The following SMARCD3 variants were observed in gnomAD, a reference collection of about 807,000 sequenced individuals.
SMARCD3 encodes SWI/SNF related BAF chromatin remodeling complex subunit D3, also known as SWI/SNF-related matrix-associated actin-dependent regulator of chromatin subfamily D member 3.
In SMARCD3, 14 loss-of-function variants were observed where a neutral mutation model predicts 58.0. That is an observed-to-expected ratio of 0.24 (90% CI 0.16 to 0.38). The LOEUF (loss-of-function observed/expected upper bound fraction) is 0.38, where lower values mean the gene tolerates loss of function less well. Among genes scored for constraint, SMARCD3 ranks in the 10% least tolerant of loss-of-function variants. The pLI, the probability that SMARCD3 is intolerant of heterozygous loss-of-function variation, is 1.00. For missense variants in SMARCD3, 408 were observed against 636.9 expected (o/e 0.64, Z 3.87); for synonymous variants, 253 against 253.8 (o/e 1.00, Z 0.03).
chr7:151,248,386 G>A lies in SMARCD3; in HGVS notation c.78+99C>T, dbSNP rs570418758. On this transcript the variant is annotated intron_variant, in intron 1 of 12. Coordinates refer to ENST00000262188, the MANE Select transcript of SMARCD3 (RefSeq NM_001003801.2). The surrounding 1 kb of genome is among the most constrained non-coding windows in gnomAD (Gnocchi z 6.1). ...GGCCATGACGCCCCCCACTAGAGGG[G>A]TGGGAGAGCGGGAGCGCCCTCCCGG... is the stretch of plus-strand genomic sequence containing the variant. 1,952 of 1,046,566 alleles carry A rather than the reference G, an allele frequency of 1.9e-3. 6 individuals carry two copies. The highest frequency in any genetic ancestry group is 0.015 in the African/African-American group (976 of 63,768). 64.8% of individuals were successfully genotyped at this position (1,046,566 alleles called of 1,614,324 possible).
At chr7:151,259,521 A>T (rs977793891) in intron 2 of SMARCD3, among the ~76,000 whole-genome samples, 10 of 147,506 alleles carry the variant, frequency 6.8e-5, no homozygotes, top group African/African-American at 2.5e-4. Context: ...TGATGGGTGG[A>T]GGTGAAGAGA....
chr7:151,264,500 G>A (rs1369258563), intron 2 of SMARCD3, among the ~76,000 whole-genome samples: 1 of 152,176 alleles, frequency 6.6e-6, no homozygotes, highest in Admixed American at 6.5e-5. Context: ...CCCAGGGTGA[G>A]TGCTGTGAAG....
In SMARCD3 at chr7:151,259,611, T is replaced by TGTTTG. The variant is rs766224003; in HGVS notation, c.40-13941_40-13940insCAAAC. ...GGTTACAACCTGAGAGTTTTTTTTTTTTTTTTTTTTTTTTTGAGACGGACT... is the reference window on the plus strand; with the variant it reads ...GGTTACAACCTGAGAGTTTTTTTTTTGTTTGTTTTTTTTTTTTTTTGAGACGGACT... On this transcript the variant is annotated intron_variant, in intron 2 of 13. Transcript: ENST00000356800. Among the ~76,000 whole-genome samples, 550 of 105,684 alleles carry TGTTTG rather than the reference T, an allele frequency of 5.2e-3. 10 individuals are homozygous for TGTTTG. Among genetic ancestry groups the TGTTTG allele is most frequent in the African/African-American group, 0.024 (527 of 21,910 alleles). The allele number at this position is 105,684 out of a possible 152,430, so 69.3% of individuals were successfully genotyped here. A position where few individuals can be genotyped will look rare whatever the true frequency, so the allele number is the denominator to read the frequency against.
chr7:151,256,289 G>A (rs932468599), intron 2 of SMARCD3, among the ~76,000 whole-genome samples: 1 of 151,820 alleles, frequency 6.6e-6, no homozygotes, highest in African/African-American at 2.4e-5. Flanking sequence ...TTGTGCCTCG[G>A]CCTCCTGAAT....
chr7:151,239,330 G>A lies in SMARCD3; in HGVS notation c.1398+66C>T. The A allele has an allele frequency of 1.4e-6, 2 of 1,423,514 alleles. No individual in the cohort carries two copies. The highest frequency in any genetic ancestry group is 2.0e-6 in the Non-Finnish European group (2 of 1,008,412). 88.2% of individuals were successfully genotyped at this position (1,423,514 alleles called of 1,614,324 possible). A position where few individuals can be genotyped will look rare whatever the true frequency, so the allele number is the denominator to read the frequency against. On this transcript the variant is annotated intron_variant, in intron 12 of 12. Coordinates refer to ENST00000262188, the MANE Select transcript of SMARCD3 (RefSeq NM_001003801.2). This position sits in a 1 kb window ranked among gnomAD's most constrained non-coding sequence, Gnocchi z 7.0. Reference sequence around the variant, plus strand: ...GGGGAGCTGCGAGGGCTGCCCACAAGCTGAACAGGGAGGTTTCTCTTGGAG... The same window carrying A: ...GGGGAGCTGCGAGGGCTGCCCACAAACTGAACAGGGAGGTTTCTCTTGGAG...
Position 151,238,798 on chromosome 7 carries a change from G to T in SMARCD3, c.*305C>A. 6.5e-7 allele frequency: 1 copy of T among 1,548,576 alleles called. No homozygotes were observed. Among genetic ancestry groups the T allele is most frequent in the Non-Finnish European group, 8.7e-7 (1 of 1,151,764 alleles). On this transcript the variant is annotated 3_prime_UTR_variant, in exon 13 of 13. Transcript: ENST00000262188. Reference sequence around the variant, plus strand: ...TGCTGTATTTTTTAAATATGAAAATGTTATTAAACATGTCTTCTGCCAAAC... The same window carrying T: ...TGCTGTATTTTTTAAATATGAAAATTTTATTAAACATGTCTTCTGCCAAAC...
At position 151,242,960 on chromosome 7, in the gene SMARCD3, T is replaced by C. The variant is rs187055390; in HGVS notation, c.334-117A>G. 3.9e-6 allele frequency: 5 copies of C among 1,291,822 alleles called. No homozygotes were observed. Among genetic ancestry groups the C allele is most frequent in the African/African-American group, 1.5e-5 (1 of 67,854 alleles). The allele number at this position is 1,291,822 out of a possible 1,614,324, so 80.0% of individuals were successfully genotyped here. On this transcript the variant is annotated intron_variant, in intron 3 of 12. Transcript: ENST00000262188. The surrounding 1 kb of genome is among the most constrained non-coding windows in gnomAD (Gnocchi z 4.7). ...AGATGTCAGGGGAGCCATCCTACTTTTGGGCATGTAGCTTTGACAGTGGGA... is the reference window on the plus strand; with the variant it reads ...AGATGTCAGGGGAGCCATCCTACTTCTGGGCATGTAGCTTTGACAGTGGGA...
rs1343899228 is a variant in SMARCD3, at chr7:151,243,735, A to G, written c.291-34T>C. On this transcript the variant is annotated intron_variant, in intron 2 of 12. Transcript: ENST00000262188. This position sits in a 1 kb window ranked among gnomAD's most constrained non-coding sequence, Gnocchi z 4.4. ...TTTTTAAAGAAAAAACCAGGTTACC[A>G]TGGCGACAGATCTGGGCGTAACGAG... 3.3e-6 allele frequency: 5 copies of G among 1,521,012 alleles called. No individual in the cohort carries two copies. The highest frequency in any genetic ancestry group is 3.3e-5 in the Admixed American group (2 of 59,898). The allele number at this position is 1,521,012 out of a possible 1,614,324, so 94.2% of individuals were successfully genotyped here.
At chr7:151,259,962 T>C (rs1803864065) in intron 2 of SMARCD3, among the ~76,000 whole-genome samples, 1 of 152,170 alleles carries the variant, frequency 6.6e-6, no homozygotes, top group African/African-American at 2.4e-5. Flanking sequence ...TATAGGACTT[T>C]ACCATTGACC....
chr7:151,273,114 G>A (rs969854152), intron 2 of SMARCD3, among the ~76,000 whole-genome samples: 9 of 152,206 alleles, frequency 5.9e-5, no homozygotes, highest in Non-Finnish European at 8.8e-5. Flanking sequence ...AGCCTGCAAC[G>A]CACACCGCCG....
rs1315180071 is a variant in SMARCD3 at position 151,245,964 on chromosome 7, T to C, written c.79-293A>G. On this transcript the variant is annotated intron_variant, in intron 1 of 12. Coordinates refer to ENST00000262188, the MANE Select transcript of SMARCD3 (RefSeq NM_001003801.2). The surrounding 1 kb of genome is among the most constrained non-coding windows in gnomAD (Gnocchi z 6.2). Reference sequence around the variant, plus strand: ...AAGGTACCGCAAAAATGAATATTAATGGCGCCTTTCAACCTTTCAAAGATG... The same window carrying C: ...AAGGTACCGCAAAAATGAATATTAACGGCGCCTTTCAACCTTTCAAAGATG... 3.4e-6 allele frequency: 1 copy of C among 291,572 alleles called. No individual in the cohort carries two copies. The highest frequency in any genetic ancestry group is 6.3e-6 in the Non-Finnish European group (1 of 158,284). 18.1% of individuals were successfully genotyped at this position (291,572 alleles called of 1,614,324 possible). A position where few individuals can be genotyped will look rare whatever the true frequency, so the allele number is the denominator to read the frequency against.
Position 151,242,123 on chromosome 7 carries a change from G to A in SMARCD3, c.675+14C>T, listed in dbSNP as rs375960569. On this transcript the variant is annotated intron_variant, in intron 6 of 12. Transcript: ENST00000262188. This position sits in a 1 kb window ranked among gnomAD's most constrained non-coding sequence, Gnocchi z 4.7. The stretch of plus-strand genomic sequence containing the variant: ...AGGGTGGCAATTCAAGGGCGGAGGG[G>A]CTCTTGGTCTTACCTCAACGAGGTG... 5.6e-6 allele frequency: 9 copies of A among 1,597,200 alleles called. No homozygotes were observed. The highest frequency in any genetic ancestry group is 4.0e-5 in the African/African-American group (3 of 74,568).
rs969593726 is a variant in SMARCD3, at chr7:151,242,338, C to T, written c.580-106G>A. On this transcript the variant is annotated intron_variant, in intron 5 of 12. Coordinates refer to ENST00000262188, the MANE Select transcript of SMARCD3 (RefSeq NM_001003801.2). The surrounding 1 kb of genome is among the most constrained non-coding windows in gnomAD (Gnocchi z 4.7). Reference sequence around the variant, plus strand: ...CAGGGCAGTGGGCTTAGATGAAATCCTCTGCACTTGGAATGTCTCTAGGCC... The same window carrying T: ...CAGGGCAGTGGGCTTAGATGAAATCTTCTGCACTTGGAATGTCTCTAGGCC... 25 of 1,426,414 alleles carry T rather than the reference C, an allele frequency of 1.8e-5. No individual in the cohort carries two copies. In the South Asian group the frequency reaches 2.6e-4, roughly 15 times the overall value. The allele number at this position is 1,426,414 out of a possible 1,614,324, so 88.4% of individuals were successfully genotyped here.
Position 151,248,654 on chromosome 7 carries a change from G to C in SMARCD3, c.-92C>G, listed in dbSNP as rs1486957571. 42 of 1,567,824 alleles carry C rather than the reference G, an allele frequency of 2.7e-5. No homozygotes were observed. Among genetic ancestry groups the C allele is most frequent in the African/African-American group, 4.1e-5 (3 of 72,888 alleles). ...TTTTTTTCCTCCAACTCTCCCCTCT[G>C]AGTCCTGCTGGGCTCTCTCACACTT... On this transcript the variant is annotated 5_prime_UTR_variant, in exon 1 of 13. Coordinates refer to ENST00000262188, the MANE Select transcript of SMARCD3 (RefSeq NM_001003801.2). This position sits in a 1 kb window ranked among gnomAD's most constrained non-coding sequence, Gnocchi z 6.1.
rs1450334305 is a variant in SMARCD3 at position 151,245,765 on chromosome 7, C to T, written c.79-94G>A. On this transcript the variant is annotated intron_variant, in intron 1 of 12. Coordinates refer to ENST00000262188, the MANE Select transcript of SMARCD3 (RefSeq NM_001003801.2). The surrounding 1 kb of genome is among the most constrained non-coding windows in gnomAD (Gnocchi z 6.2). ...GCGGTGAGCCGGCGTCTCCCCTCCC[C>T]CACCAGACCCTCGGCTGGTGACCCT... 4 of 383,504 alleles carry T rather than the reference C, an allele frequency of 1.0e-5. No individual in the cohort carries two copies. Among genetic ancestry groups the T allele is most frequent in the South Asian group, 2.8e-4 (2 of 7,028 alleles). 23.8% of individuals were successfully genotyped at this position (383,504 alleles called of 1,614,324 possible). A position where few individuals can be genotyped will look rare whatever the true frequency, so the allele number is the denominator to read the frequency against.
At chr7:151,259,364 A>AAAAGAATGT (rs1317155636) in intron 2 of SMARCD3, among the ~76,000 whole-genome samples, 1 of 149,448 alleles carries the variant, frequency 6.7e-6, no homozygotes, top group Non-Finnish European at 1.5e-5. Context: ...AAAAAAAAAA[A>AAAAGAATGT]AAGAATGTAA....
In SMARCD3 at chr7:151,241,553, G is replaced by A; in HGVS notation, c.878C>T (p.Thr293Ile). ...IVQALWQYVK[T>I]NRLQDSHDKE... ...GTCATGGGAGTCCTGCAGCCTGTTG[G>A]TCTTCACATACTGCCACAGGGCCTG... Residue 293 changes from threonine (T) to isoleucine (I), a missense_variant, in exon 8 of 13, where the codon ACC becomes ATC. Physicochemically the swap from Thr to Ile is moderately conservative, Grantham distance 89. This residue lies in a region of SMARCD3 where 115 missense variants were observed against 257.2 expected (regional missense o/e 0.45). Transcript: ENST00000262188. The surrounding 1 kb of genome is among the most constrained non-coding windows in gnomAD (Gnocchi z 5.3). 6.2e-7 allele frequency: 1 copy of A among 1,611,936 alleles called. No homozygotes were observed. The highest frequency in any genetic ancestry group is 1.1e-5 in the South Asian group (1 of 90,456).
intron 2 of SMARCD3, among the ~76,000 whole-genome samples, chr7:151,265,579 A>G (rs1006419608): frequency 6.6e-6 from 1 of 152,112 alleles, no homozygotes; most frequent in African/African-American, 2.4e-5. Flanking sequence ...TCCACCTACC[A>G]CCTGGGCCTC....
chr7:151,271,596 C>G (rs1392036099), intron 2 of SMARCD3, among the ~76,000 whole-genome samples: 1 of 151,978 alleles, frequency 6.6e-6, no homozygotes. Context: ...ACTTAATTTC[C>G]AATTTTAAAT....
Sources: allele counts gnomAD v4.1 joint callset (sites outside exome capture counted in the v4.1 genomes callset), GRCh38; gene constraint gnomAD v4.1.1; regional missense constraint gnomAD v4.1.1; non-coding constraint Gnocchi (gnomAD v3.1); transcripts MANE v1.5; gene names NCBI Gene and HGNC (gene_info 2026-07-23, HGNC 2026-07-21).